The following CELF2 variants were observed in gnomAD, a reference collection of about 807,000 sequenced individuals.
The protein encoded by CELF2 is CUG triplet repeat RNA-binding protein 2.
A neutral mutation model predicts 62.6 loss-of-function variants in CELF2; 8 were observed. The observed-to-expected ratio is 0.13, with a 90% CI of 0.07 to 0.23. The LOEUF is 0.23. CELF2 is among the 10% of genes least tolerant of loss of function. CELF2 has a pLI of 1.00. For synonymous variants in CELF2, 258 were observed against 250.0 expected (o/e 1.03, Z -0.30); for missense variants, 333 against 671.0 (o/e 0.50, Z 5.56).
At chr10:10,554,200 G>A in the CELF2 span, among the ~76,000 whole-genome samples, 602 of 152,120 alleles carry the variant, frequency 4.0e-3, 4 homozygotes, top group African/African-American at 0.014. Context: ...CAAAGGAGAG[G>A]GAATTCATGA....
At chr10:11,112,404 CGAG>C (rs2055417397) in intron 1 of CELF2, among the ~76,000 whole-genome samples, 1 of 152,162 alleles carries the variant, frequency 6.6e-6, no homozygotes, top group Admixed American at 6.6e-5. Flanking sequence ...TAGAGAAAGA[CGAG>C]GACATGTTGA....
chr10:10,555,437 G>A, the CELF2 span, among the ~76,000 whole-genome samples: 11 of 152,212 alleles, frequency 7.2e-5, no homozygotes, highest in South Asian at 8.3e-4. Context: ...TGGTAAAAAC[G>A]TGCCTGATGT....
chr10:11,294,448 T>G (rs17150057), intron 9 of CELF2, among the ~76,000 whole-genome samples: 16,635 of 152,232 alleles, frequency 0.11, 1,733 homozygotes, highest in African/African-American at 0.27. Context: ...AAGATGGGCT[T>G]AGCCTTTACC....
intron 1 of CELF2, among the ~76,000 whole-genome samples, chr10:11,149,417 C>G (rs938360024): frequency 1.3e-5 from 2 of 152,172 alleles, no homozygotes; most frequent in Non-Finnish European, 2.9e-5. Context: ...TCAGCAGATG[C>G]AGTTTTATTT....
At chr10:10,737,684 G>A in the CELF2 span, among the ~76,000 whole-genome samples, 3 of 151,802 alleles carry the variant, frequency 2.0e-5, no homozygotes, top group Admixed American at 1.3e-4. Context: ...TCTGTTTCCA[G>A]CCCCACCTTC....
At chr10:10,758,763 A>C in the CELF2 span, among the ~76,000 whole-genome samples, 1 of 152,266 alleles carries the variant, frequency 6.6e-6, no homozygotes, top group Non-Finnish European at 1.5e-5. Context: ...TGTAATTGAC[A>C]GATTTGAGTG....
chr10:10,886,418 T>C (rs953423059), intron 1 of CELF2, among the ~76,000 whole-genome samples: 3 of 152,176 alleles, frequency 2.0e-5, no homozygotes, highest in Non-Finnish European at 4.4e-5. Context: ...ATGCAGAATA[T>C]AGGCAAAGTG....
chr10:11,241,957 G>A (rs981185125), intron 3 of CELF2, among the ~76,000 whole-genome samples: 4 of 152,176 alleles, frequency 2.6e-5, no homozygotes, highest in African/African-American at 7.2e-5. Context: ...CAATATACAA[G>A]CGAGACACAA....
chr10:10,794,956 C>T (rs2054054574), upstream of CELF2: 1 of 152,234 alleles, frequency 6.6e-6, no homozygotes, highest in Admixed American at 6.5e-5. Flanking sequence ...AGTGTTGCCT[C>T]TTGACTGACA....
At chr10:11,080,044 T>C (rs7083575) in intron 1 of CELF2, among the ~76,000 whole-genome samples, 39,218 of 152,186 alleles carry the variant, frequency 0.26, 5,338 homozygotes, top group Middle Eastern at 0.31. Context: ...TTTAGCCATA[T>C]TTATGAGAGT....
At chr10:11,015,465 G>A (rs544503043), upstream of CELF2, among the ~76,000 whole-genome samples, 61 of 152,298 alleles carry the variant, frequency 4.0e-4, 1 homozygote, top group African/African-American at 1.3e-3. The surrounding 1 kb of genome is among the most constrained non-coding windows in gnomAD (Gnocchi z 4.8). Context: ...TCTACATCAA[G>A]TGCCTATGCA....
At chr10:10,937,082 A>G (rs940172158) in intron 2 of CELF2, among the ~76,000 whole-genome samples, 1 of 123,538 alleles carries the variant, frequency 8.1e-6, no homozygotes, top group Admixed American at 7.7e-5. Flanking sequence ...TAATGCTTTT[A>G]TTTATTCTAC....
chr10:10,590,046 A>G, the CELF2 span, among the ~76,000 whole-genome samples: 5 of 152,166 alleles, frequency 3.3e-5, no homozygotes, highest in East Asian at 9.6e-4. Flanking sequence ...GAATCCTTCC[A>G]TGGCCTTGTA....
rs2055084307 is a variant in CELF2 at position 11,005,495 on chromosome 10, G to C, written c.53+55G>C. 1 of 1,613,282 alleles carries C rather than the reference G, an allele frequency of 6.2e-7. No individual in the cohort carries two copies. The highest frequency in any genetic ancestry group is 8.5e-7 in the Non-Finnish European group (1 of 1,179,562). ...CACGCTTTTCTAGTTTCTAGAGCTG[G>C]CTGAGACAATAATTATGCTCTGAAT... On this transcript the variant is annotated intron_variant, in intron 1 of 12. Transcript: ENST00000416382. The surrounding 1 kb of genome is among the most constrained non-coding windows in gnomAD (Gnocchi z 4.3).
intron 2 of CELF2, among the ~76,000 whole-genome samples, chr10:10,940,860 T>C (rs2146556): frequency 0.35 from 52,718 of 152,066 alleles, 10,059 homozygotes; most frequent in East Asian, 0.74. Context: ...TTGATGGTTT[T>C]GATCATCTGT....
Position 11,332,859 on chromosome 10 carries a change from C to T in CELF2, c.*3806C>T, listed in dbSNP as rs1220897328. On this transcript the variant is annotated 3_prime_UTR_variant, in exon 13 of 13. Coordinates refer to ENST00000633077, the MANE Select transcript of CELF2 (RefSeq NM_001326342.2). ...ACTACTGCTGGGGCCTTCCTTCATCCTCTGAGGGCTATTTTGTACTTTCTG... is the reference window on the plus strand; with the variant it reads ...ACTACTGCTGGGGCCTTCCTTCATCTTCTGAGGGCTATTTTGTACTTTCTG... The T allele has an allele frequency of 6.6e-6, 1 of 152,634 alleles. No homozygotes were observed. Among genetic ancestry groups the T allele is most frequent in the Non-Finnish European group, 1.5e-5 (1 of 68,046 alleles). The allele number at this position is 152,634 out of a possible 1,614,324, so 9.5% of individuals were successfully genotyped here.
intron 1 of CELF2, among the ~76,000 whole-genome samples, chr10:10,912,671 G>A (rs1014455324): frequency 1.2e-4 from 19 of 152,214 alleles, no homozygotes; most frequent in African/African-American, 2.9e-4. Flanking sequence ...CCCAGCCAAC[G>A]GGGCTTTTTT....
At chr10:10,862,734 A>G (rs1343481052) in intron 1 of CELF2, among the ~76,000 whole-genome samples, 1 of 152,230 alleles carries the variant, frequency 6.6e-6, no homozygotes, top group Non-Finnish European at 1.5e-5. Context: ...TAATGTTGAG[A>G]GTACCTGCTT....
intron 1 of CELF2, among the ~76,000 whole-genome samples, chr10:10,899,801 A>G (rs2062811494): frequency 6.6e-6 from 1 of 152,184 alleles, no homozygotes; most frequent in South Asian, 2.1e-4. Context: ...ACGCACTTTT[A>G]AAGAACCAAA....
Sources: gnomAD v4.1 joint callset for allele counts (sites outside exome capture counted in the v4.1 genomes callset) on GRCh38, gnomAD v4.1.1 for gene constraint, Gnocchi (gnomAD v3.1) non-coding constraint, MANE v1.5 for transcripts, NCBI Gene and HGNC (gene_info 2026-07-23, HGNC 2026-07-21) for gene names.